The following NIPAL1 variants were observed in gnomAD, a reference collection of about 807,000 sequenced individuals.
The protein encoded by NIPAL1 is magnesium transporter NIPA3.
In NIPAL1, 35 loss-of-function variants were observed where a neutral mutation model predicts 37.7. The observed-to-expected ratio is 0.93, with a 90% CI of 0.71 to 1.23. The LOEUF (loss-of-function observed/expected upper bound fraction) is 1.23. Ranked by LOEUF, NIPAL1 falls within the 50% of genes most tolerant of loss-of-function variation. NIPAL1 has a pLI of 0.00. For synonymous variants in NIPAL1, 162 were observed against 183.0 expected, an observed-to-expected ratio of 0.89 and a Z score of 0.93; for missense variants, 412 against 473.9, an observed-to-expected ratio of 0.87 and a Z score of 1.21.
intron 1 of NIPAL1, among the ~76,000 whole-genome samples, chr4:48,019,027 TTTTG>T (rs1240655210): frequency 6.6e-6 from 1 of 152,188 alleles, no homozygotes; most frequent in Non-Finnish European, 1.5e-5. Flanking sequence ...TTTGACTTTT[TTTTG>T]TTTTTTTGAG....
intron 1 of NIPAL1, among the ~76,000 whole-genome samples, chr4:48,018,761 A>G (rs372008377): frequency 1.3e-5 from 2 of 152,302 alleles, no homozygotes; most frequent in East Asian, 3.9e-4. Context: ...AGACTCTAGG[A>G]CTAGGTTCCT....
chr4:48,031,794 A>G (rs556210818), intron 3 of NIPAL1, among the ~76,000 whole-genome samples: 1 of 152,268 alleles, frequency 6.6e-6, no homozygotes, highest in East Asian at 1.9e-4. Context: ...GCTGGAGTGC[A>G]GTGGCGTGAT....
At position 48,037,262 on chromosome 4, in the gene NIPAL1, CGT is replaced by C. The variant is rs1560326769; in HGVS notation, c.*1092_*1093del. On this transcript the variant is annotated 3_prime_UTR_variant, in exon 6 of 6. Transcript: ENST00000295461. ...TTTTCTTCTCACAAAAACACAGACA[CGT>C]GATTGTTTTCACAGGTTCCATTAAT... 1 of 437,182 alleles carries C rather than the reference CGT, an allele frequency of 2.3e-6. No individual in the cohort carries two copies. The highest frequency in any genetic ancestry group is 4.5e-6 in the Non-Finnish European group (1 of 221,048). The allele number at this position is 437,182 out of a possible 1,614,324, so 27.1% of individuals were successfully genotyped here. A position where few individuals can be genotyped will look rare whatever the true frequency, so the allele number is the denominator to read the frequency against.
intron 1 of NIPAL1, among the ~76,000 whole-genome samples, chr4:48,024,788 A>C (rs992303045): frequency 2.0e-5 from 3 of 151,214 alleles, no homozygotes; most frequent in Non-Finnish European, 4.4e-5. Context: ...ACAAAGACAT[A>C]AGTGTTCCCA....
intron 4 of NIPAL1, among the ~76,000 whole-genome samples, chr4:48,033,790 G>A (rs1715869851): frequency 6.6e-6 from 1 of 151,954 alleles, no homozygotes; most frequent in Non-Finnish European, 1.5e-5. Context: ...TTGTCTTTTT[G>A]TTTTCTATTC....
At position 48,035,984 on chromosome 4, in the gene NIPAL1, A is replaced by T. The variant is rs1035006940; in HGVS notation, c.1045A>T (p.Ile349Phe). The T allele has an allele frequency of 2.5e-6, 4 of 1,613,632 alleles. No homozygotes were observed. Among genetic ancestry groups the T allele is most frequent in the Non-Finnish European group, 3.4e-6 (4 of 1,179,658 alleles). Residue 349 changes from isoleucine to phenylalanine, a missense_variant, in exon 6 of 6, where the codon ATT becomes TTT. Transcript: ENST00000295461. ...CCTGAGTGGATTCTTCACTATTATC[A>T]TTGGCATCTTCCTTCTACATGCTTT... ...GTLSGFFTII[I>F]GIFLLHAFKN...
chr4:48,016,831 C>T lies in NIPAL1; in HGVS notation c.-9C>T. On this transcript the variant is annotated 5_prime_UTR_variant, in exon 1 of 6. Transcript: ENST00000295461. The stretch of plus-strand genomic sequence containing the variant: ...AGCGCCCGCGTTCCGGAAGCCCGCT[C>T]CCGGGGCCATGGGGGCACAGGTGAG... The T allele has an allele frequency of 6.3e-7, 1 of 1,575,972 alleles. No homozygotes were observed. Among genetic ancestry groups the T allele is most frequent in the South Asian group, 1.2e-5 (1 of 86,630 alleles).
chr4:48,027,169 G>A lies in NIPAL1; in HGVS notation c.313+1835G>A, dbSNP rs1715713028. ...AAACTAAAAAGCAAATGATATATTG[G>A]GGGAAATATGATGAAATATGTGACA... On this transcript the variant is annotated intron_variant, in intron 2 of 5. Transcript: ENST00000295461. The surrounding 1 kb of genome is among the most constrained non-coding windows in gnomAD (Gnocchi z 4.1). Among the ~76,000 whole-genome samples, 1 of 152,178 alleles carries A rather than the reference G, an allele frequency of 6.6e-6. No individual in the cohort carries two copies. Among genetic ancestry groups the A allele is most frequent in the African/African-American group, 2.4e-5 (1 of 41,518 alleles).
chr4:48,030,795 T>C (rs141971928), intron 3 of NIPAL1, among the ~76,000 whole-genome samples: 2,651 of 152,282 alleles, frequency 0.017, 37 homozygotes, highest in Non-Finnish European at 0.024. Context: ...GTCTCCCCAC[T>C]AAGTGAAATT....
At chr4:48,025,403 C>A in intron 2 of NIPAL1, 69 bp downstream of exon 2, 1 of 1,417,158 alleles carries the variant, frequency 7.1e-7, no homozygotes, top group Non-Finnish European at 9.7e-7. Flanking sequence ...CACATCTCAG[C>A]AATACTCTTA....
intron 1 of NIPAL1, among the ~76,000 whole-genome samples, chr4:48,017,802 G>A (rs1284103962): frequency 6.6e-6 from 1 of 152,026 alleles, no homozygotes; most frequent in East Asian, 1.9e-4. Context: ...GGGAAGGGAG[G>A]CAGTGAAAGG....
At chr4:48,034,246 G>T (rs1402849348) in intron 4 of NIPAL1, among the ~76,000 whole-genome samples, 1 of 152,166 alleles carries the variant, frequency 6.6e-6, no homozygotes, top group Non-Finnish European at 1.5e-5. Context: ...GCTGCATGTG[G>T]CCCAGGACGG....
In NIPAL1 at chr4:48,031,951, C is replaced by A. The variant is rs147003833; in HGVS notation, c.371-1042C>A. Among the ~76,000 whole-genome samples, 8 of 152,278 alleles carry A rather than the reference C, an allele frequency of 5.3e-5. No individual in the cohort carries two copies. The East Asian group carries it at 1.5e-3, about 29-fold the overall frequency. On this transcript the variant is annotated intron_variant, in intron 3 of 5. Coordinates refer to ENST00000295461, the MANE Select transcript of NIPAL1 (RefSeq NM_207330.3). The stretch of plus-strand genomic sequence containing the variant: ...ATAGGGTTTCACCATGTTGGCCAGG[C>A]TGATCTCGAACGCCTGACCTCAAGT...
At chr4:48,030,225 GATTACATGAAATT>G (rs770618314) in intron 3 of NIPAL1, 49 bp downstream of exon 3, 1 of 1,140,364 alleles carries the variant, frequency 8.8e-7, no homozygotes, top group Non-Finnish European at 1.3e-6. Flanking sequence ...ATAGTAAATA[GATTACATGAAATT>G]TTTCATAATT....
At chr4:48,034,508 C>T (rs994505361) in intron 4 of NIPAL1, among the ~76,000 whole-genome samples, 1 of 152,124 alleles carries the variant, frequency 6.6e-6, no homozygotes, top group African/African-American at 2.4e-5. Flanking sequence ...ATGTATCTTT[C>T]TTGGAAACAT....
rs763607052 is a variant in NIPAL1, at chr4:48,035,605, G to A, written c.666G>A (p.Val222=). Residue 222 remains valine (V), a synonymous_variant, in exon 6 of 6, where the codon GTG becomes GTA. Coordinates refer to ENST00000295461, the MANE Select transcript of NIPAL1 (RefSeq NM_207330.3). ...TGATCATAACTGTGATCTCCTTGGTGCTGATTTTGATTGTGGCTCCCAAGA... is the reference window on the plus strand; with the variant it reads ...TGATCATAACTGTGATCTCCTTGGTACTGATTTTGATTGTGGCTCCCAAGA... ...FAVIITVISL[V]LILIVAPKKG... is the part of the protein sequence containing the mutation. The A allele has an allele frequency of 1.9e-6, 3 of 1,613,238 alleles. No individual in the cohort carries two copies. The highest frequency in any genetic ancestry group is 2.5e-6 in the Non-Finnish European group (3 of 1,179,634).
chr4:48,035,859 C>T lies in NIPAL1; in HGVS notation c.920C>T (p.Thr307Ile). The change falls in exon 6 of 6, where the codon ACA becomes ATA. Residue 307 changes from threonine (T) to isoleucine (I), a missense_variant. Transcript: ENST00000295461. ...GACACCTTTAATACCTCTCTTGTGA[C>T]ACCCATTTATTATGTATTCTTCACA... The part of the protein sequence containing the change: ...ALDTFNTSLV[T>I]PIYYVFFTSM... 1 of 1,613,936 alleles carries T rather than the reference C, an allele frequency of 6.2e-7. No individual in the cohort carries two copies. Among genetic ancestry groups the T allele is most frequent in the Non-Finnish European group, 8.5e-7 (1 of 1,179,816 alleles).
chr4:48,036,264 C>A lies in NIPAL1; in HGVS notation c.*92C>A. On this transcript the variant is annotated 3_prime_UTR_variant, in exon 6 of 6. Transcript: ENST00000295461. ...TTGGAAGAACTGCTAGGAAAGTTAGCATTTTTGCAGTTCTAACTAATTTAG... is the reference window on the plus strand; with the variant it reads ...TTGGAAGAACTGCTAGGAAAGTTAGAATTTTTGCAGTTCTAACTAATTTAG... 1.6e-6 allele frequency: 2 copies of A among 1,290,260 alleles called. No homozygotes were observed. The highest frequency in any genetic ancestry group is 2.5e-5 in the Admixed American group (1 of 39,986). 79.9% of individuals were successfully genotyped at this position (1,290,260 alleles called of 1,614,324 possible).
intron 2 of NIPAL1, 91 bp downstream of exon 2, chr4:48,025,425 G>A (rs933362891): frequency 1.6e-6 from 2 of 1,268,730 alleles, no homozygotes; most frequent in African/African-American, 3.0e-5. Flanking sequence ...AAACTTGCTT[G>A]TGTAATTATA....
Sources: allele counts gnomAD v4.1 joint callset (sites outside exome capture counted in the v4.1 genomes callset), GRCh38; gene constraint gnomAD v4.1.1; non-coding constraint Gnocchi (gnomAD v3.1); transcripts MANE v1.5; gene names NCBI Gene and HGNC (gene_info 2026-07-23, HGNC 2026-07-21).